NAALADL2: variants seen among roughly 807,000 people sequenced by gnomAD.
NAALADL2 encodes the protein inactive N-acetylated-alpha-linked acidic dipeptidase-like protein 2.
In NAALADL2, 76 loss-of-function variants were observed where a neutral mutation model predicts 87.2. The ratio of observed to expected loss-of-function variants is 0.87; its 90% CI spans 0.72 to 1.05. The LOEUF is 1.05. Ranked by LOEUF, NAALADL2 falls within the 50% of genes least tolerant of loss-of-function variation. NAALADL2 has a pLI of 0.00. For synonymous variants in NAALADL2, 354 were observed against 331.0 expected, an observed-to-expected ratio of 1.07 and a Z score of -0.75; for missense variants, 1,089 against 945.8, an observed-to-expected ratio of 1.15 and a Z score of -1.99.
chr3:175,523,829 A>T (rs1174465112), intron 9 of NAALADL2, among the ~76,000 whole-genome samples: 1 of 152,232 alleles, frequency 6.6e-6, no homozygotes, highest in Non-Finnish European at 1.5e-5. Context: ...TGGAGCAGGT[A>T]ATTGAAAAAG....
intron 1 of NAALADL2, among the ~76,000 whole-genome samples, chr3:174,988,688 C>T (rs906154098): frequency 6.6e-6 from 1 of 152,164 alleles, no homozygotes; most frequent in East Asian, 1.9e-4. Context: ...GACAGCATAA[C>T]TCTGATCTCC....
intron 5 of NAALADL2, among the ~76,000 whole-genome samples, chr3:175,445,240 C>T (rs1260269162): frequency 6.6e-6 from 1 of 152,086 alleles, no homozygotes; most frequent in Non-Finnish European, 1.5e-5. Context: ...TATCTCTATT[C>T]TATTCGTGTA....
intron 1 of NAALADL2, among the ~76,000 whole-genome samples, chr3:174,867,212 C>T (rs1466473292): frequency 6.6e-6 from 1 of 151,844 alleles, no homozygotes; most frequent in Admixed American, 6.6e-5. Flanking sequence ...CAGAAACTTA[C>T]TAAGCTTATT....
At chr3:174,650,744 C>G (rs1051106128) in intron 2 of NAALADL2, among the ~76,000 whole-genome samples, 2 of 151,562 alleles carry the variant, frequency 1.3e-5, no homozygotes, top group African/African-American at 4.8e-5. Flanking sequence ...TATGAAGAGA[C>G]ATATTAGGAT....
intron 11 of NAALADL2, among the ~76,000 whole-genome samples, chr3:175,672,596 A>C (rs535010636): frequency 6.6e-6 from 1 of 152,308 alleles, no homozygotes; most frequent in South Asian, 2.1e-4. Flanking sequence ...CTGAGCTAGC[A>C]ATAGAAGAAG....
At chr3:175,196,842 G>C (rs971498945) in intron 2 of NAALADL2, among the ~76,000 whole-genome samples, 2 of 151,796 alleles carry the variant, frequency 1.3e-5, no homozygotes, top group Non-Finnish European at 2.9e-5. Flanking sequence ...TGCAGCCCTC[G>C]ATCTAGGGTA....
intron 1 of NAALADL2, chr3:174,864,144 G>T: frequency 2.2e-6 from 1 of 446,860 alleles, no homozygotes; most frequent in Non-Finnish European, 4.5e-6. Flanking sequence ...AAGATGGACT[G>T]GGTACATTTT....
At chr3:175,415,286 T>TA (rs1036140567) in intron 5 of NAALADL2, among the ~76,000 whole-genome samples, 4 of 151,570 alleles carry the variant, frequency 2.6e-5, no homozygotes, top group Non-Finnish European at 2.9e-5. Context: ...GATGAGCTTT[T>TA]AAAAAAAAAT....
intron 2 of NAALADL2, among the ~76,000 whole-genome samples, chr3:174,719,479 T>C (rs902531756): frequency 6.6e-6 from 1 of 152,238 alleles, no homozygotes; most frequent in African/African-American, 2.4e-5. Flanking sequence ...TGGATTCTTA[T>C]GTTTTCTATA....
intron 2 of NAALADL2, among the ~76,000 whole-genome samples, chr3:174,726,403 C>A (rs1331478506): frequency 1.3e-5 from 2 of 152,056 alleles, no homozygotes; most frequent in Admixed American, 6.6e-5. Flanking sequence ...CATACAACAA[C>A]CTGTCATTAG....
At chr3:174,941,565 C>T (rs1279409550) in intron 1 of NAALADL2, among the ~76,000 whole-genome samples, 1 of 151,992 alleles carries the variant, frequency 6.6e-6, no homozygotes, top group Non-Finnish European at 1.5e-5. Context: ...AATTTTCTGC[C>T]TTGACAATCT....
intron 9 of NAALADL2, among the ~76,000 whole-genome samples, chr3:175,528,347 G>T (rs1200039278): frequency 2.6e-5 from 4 of 152,076 alleles, no homozygotes; most frequent in Non-Finnish European, 5.9e-5. Flanking sequence ...AATAGATGTA[G>T]GCTGGGAGGC....
chr3:174,598,582 G>T (rs978388963), intron 2 of NAALADL2, among the ~76,000 whole-genome samples: 8 of 152,080 alleles, frequency 5.3e-5, no homozygotes, highest in Non-Finnish European at 8.8e-5. Context: ...GTTAAGCAAA[G>T]ACATACTCCC....
intron 2 of NAALADL2, among the ~76,000 whole-genome samples, chr3:174,730,511 T>C (rs1732596743): frequency 1.3e-5 from 2 of 152,262 alleles, no homozygotes; most frequent in South Asian, 4.1e-4. Flanking sequence ...AAAAGAATAT[T>C]GAATAAAATG....
intron 11 of NAALADL2, among the ~76,000 whole-genome samples, chr3:175,722,091 G>A (rs896235693): frequency 3.9e-5 from 6 of 151,950 alleles, no homozygotes; most frequent in African/African-American, 1.4e-4. Flanking sequence ...CGTATTGAGA[G>A]CCTTAAGACC....
chr3:175,114,355 C>A (rs984173622), intron 2 of NAALADL2, among the ~76,000 whole-genome samples: 13 of 151,540 alleles, frequency 8.6e-5, no homozygotes, highest in African/African-American at 3.1e-4. Context: ...TGAGAAAAAA[C>A]CTGAGACCAT....
intron 1 of NAALADL2, among the ~76,000 whole-genome samples, chr3:175,019,326 AAATT>A (rs529461097): frequency 6.2e-4 from 94 of 152,142 alleles, no homozygotes; most frequent in African/African-American, 2.2e-3. Flanking sequence ...ATCCGCTAAG[AAATT>A]AATATTTAAG....
intron 3 of NAALADL2, among the ~76,000 whole-genome samples, chr3:175,242,159 C>T (rs761069564): frequency 5.9e-5 from 9 of 151,966 alleles, no homozygotes; most frequent in South Asian, 4.2e-4. Context: ...CGCGCCCGGC[C>T]CTGGATGCAG....
chr3:174,983,094 A>G (rs113465447), intron 1 of NAALADL2, among the ~76,000 whole-genome samples: 4,536 of 152,252 alleles, frequency 0.03, 213 homozygotes, highest in African/African-American at 0.1. Context: ...CACCGCGCCC[A>G]GCCAAAAGAA....
Sources: gnomAD v4.1 joint callset for allele counts (sites outside exome capture counted in the v4.1 genomes callset) on GRCh38, gnomAD v4.1.1 for gene constraint, MANE v1.5 for transcripts, NCBI Gene and HGNC (gene_info 2026-07-23, HGNC 2026-07-21) for gene names.